ZFAND1: variants seen among roughly 807,000 people sequenced by gnomAD.
ZFAND1 encodes the protein AN1-type zinc finger protein 1.
Under a neutral mutation model 38.5 loss-of-function variants are expected in ZFAND1, and 40 were observed. The ratio of observed to expected loss-of-function variants is 1.04; its 90% CI spans 0.81 to 1.35. ZFAND1 has a LOEUF of 1.35. Among genes scored for constraint, ZFAND1 ranks in the 40% most tolerant of loss-of-function variants. ZFAND1 has a pLI of 0.00. For synonymous variants in ZFAND1, 117 were observed against 103.6 expected (o/e 1.13, Z -0.78); for missense variants, 346 against 316.3 (o/e 1.09, Z -0.71).
In ZFAND1 at chr8:81,714,890, CG is replaced by C; in HGVS notation, c.271del (p.Arg91ValfsTer55). On this transcript the variant is annotated frameshift_variant, in exon 5 of 8. Transcript: ENST00000220669. LOFTEE classifies it high-confidence loss of function. ...TTCACACTCATGATCTGACTGATGA[CG>C]GTGTCTATGAGCAACAGAAGAGTGA... ...YCEKNFCLRHRHQSDHECEKL... is the reference protein window; with the variant it reads ...YCEKNFCLRHXHQSDHECEKL... 1.9e-6 allele frequency: 3 copies of C among 1,613,970 alleles called. No individual in the cohort carries two copies. The highest frequency in any genetic ancestry group is 1.7e-6 in the Non-Finnish European group (2 of 1,179,938).
At chr8:81,714,729 T>A (rs1234669498) in intron 5 of ZFAND1, 75 bp downstream of exon 5, 3 of 1,303,032 alleles carry the variant, frequency 2.3e-6, no homozygotes, top group Non-Finnish European at 3.3e-6. Flanking sequence ...ATGCCTCCCA[T>A]AATTGGAAAG....
intron 5 of ZFAND1, 129 bp from the exon 6 acceptor site, chr8:81,714,168 A>G: frequency 1.2e-6 from 1 of 823,702 alleles, no homozygotes. Context: ...CAGAGACCAC[A>G]TTCATTGTAT....
At chr8:81,717,226 A>C in intron 3 of ZFAND1, 23 bp downstream of exon 3, 1 of 1,519,146 alleles carries the variant, frequency 6.6e-7, no homozygotes, top group Non-Finnish European at 8.8e-7. Context: ...ACATTTTATC[A>C]GATTGGAAAA....
chr8:81,710,182 A>T (rs918966482), intron 6 of ZFAND1, among the ~76,000 whole-genome samples: 1 of 152,222 alleles, frequency 6.6e-6, no homozygotes, highest in Non-Finnish European at 1.5e-5. Context: ...ATGTCTCCAG[A>T]CATTGCTGAA....
At chr8:81,705,279 A>G (rs1807943174) in intron 6 of ZFAND1, among the ~76,000 whole-genome samples, 1 of 152,194 alleles carries the variant, frequency 6.6e-6, no homozygotes, top group Non-Finnish European at 1.5e-5. Flanking sequence ...CCTATTCAAG[A>G]TGAACATTTT....
chr8:81,710,137 C>T (rs531760863), intron 6 of ZFAND1, among the ~76,000 whole-genome samples: 3 of 152,246 alleles, frequency 2.0e-5, no homozygotes, highest in South Asian at 4.1e-4. Context: ...AACTAAATAC[C>T]AGTAGCACCC....
chr8:81,714,044 G>A lies in ZFAND1; in HGVS notation c.359-5C>T. 6.2e-7 allele frequency: 1 copy of A among 1,601,560 alleles called. No individual in the cohort carries two copies. The highest frequency in any genetic ancestry group is 8.5e-7 in the Non-Finnish European group (1 of 1,175,812). On this transcript the variant is annotated splice_region_variant and splice_polypyrimidine_tract_variant and intron_variant, in intron 5 of 7. Transcript: ENST00000220669. Reference sequence around the variant, plus strand: ...CTGTTTCTCCTGTCTTGGAATCTAAGAAGTGTAAGCATGTAATCACATAAA... The same window carrying A: ...CTGTTTCTCCTGTCTTGGAATCTAAAAAGTGTAAGCATGTAATCACATAAA...
chr8:81,703,088 C>T lies in ZFAND1; in HGVS notation c.517G>A (p.Gly173Arg), dbSNP rs1267679797. The T allele has an allele frequency of 3.2e-6, 5 of 1,553,544 alleles. No homozygotes were observed. In the South Asian group the frequency reaches 6.0e-5, roughly 19 times the overall value. Residue 173 changes from glycine (G) to arginine (R), a missense_variant, in exon 7 of 8, where the codon GGG becomes AGG. Gly to Arg is a moderately radical substitution (Grantham distance 125). Transcript: ENST00000220669. The part of the protein sequence containing the change: ...RIYFQVFLPK[G>R]SKEKSKPMFF... ...ATTGGTTTGCTCTTCTCTTTGCTCCCTTTAGGTAAGAAAACCTGAAAGTAA... is the reference window on the plus strand; with the variant it reads ...ATTGGTTTGCTCTTCTCTTTGCTCCTTTTAGGTAAGAAAACCTGAAAGTAA...
rs1807829868 is a variant in ZFAND1, at chr8:81,702,157, T to C, written c.*538A>G. 1 of 152,240 alleles carries C rather than the reference T, an allele frequency of 6.6e-6. No individual in the cohort carries two copies. Among genetic ancestry groups the C allele is most frequent in the Non-Finnish European group, 1.5e-5 (1 of 68,044 alleles). 9.4% of individuals were successfully genotyped at this position (152,240 alleles called of 1,614,324 possible). ...CACTTCTAAGTTTCTATAATTCATG[T>C]AGATATATCAATTTATACATCATGA... is the stretch of plus-strand genomic sequence containing the variant. On this transcript the variant is annotated 3_prime_UTR_variant, in exon 8 of 8. Coordinates refer to ENST00000220669, the MANE Select transcript of ZFAND1 (RefSeq NM_024699.3).
At chr8:81,712,438 C>T (rs1031622560) in intron 6 of ZFAND1, among the ~76,000 whole-genome samples, 1 of 151,900 alleles carries the variant, frequency 6.6e-6, no homozygotes, top group Non-Finnish European at 1.5e-5. Context: ...GCAGAAAAAA[C>T]TCACAAAAAT....
intron 5 of ZFAND1, 37 bp downstream of exon 5, chr8:81,714,767 C>T: frequency 6.3e-7 from 1 of 1,586,374 alleles, no homozygotes; most frequent in Non-Finnish European, 8.7e-7. Context: ...AGCTCTGGAA[C>T]TAGGAAAGCA....
chr8:81,715,077 T>A lies in ZFAND1; in HGVS notation c.176A>T (p.His59Leu), dbSNP rs773154137. The change falls in exon 4 of 8, where the codon CAT becomes CTT. Residue 59 changes from histidine to leucine, a missense_variant. Coordinates refer to ENST00000220669, the MANE Select transcript of ZFAND1 (RefSeq NM_024699.3). ...VINERLKTDQ[H>L]TSYPCSFKDC... ...TTTGAAAGAGCATGGGTAAGATGTA[T>A]GTTGATCTGTCTTCAGTCTCTCATT... The A allele has an allele frequency of 6.2e-7, 1 of 1,614,066 alleles. No homozygotes were observed. The highest frequency in any genetic ancestry group is 1.6e-4 in the Middle Eastern group (1 of 6,062).
rs145615792 is a variant in ZFAND1, at chr8:81,703,007, C to T, written c.598G>A (p.Ala200Thr). 4 of 1,549,632 alleles carry T rather than the reference C, an allele frequency of 2.6e-6. No homozygotes were observed. Among genetic ancestry groups the T allele is most frequent in the African/African-American group, 1.4e-5 (1 of 72,932 alleles). Reference sequence around the variant, plus strand: ...TTGTTATTGTCATTTTTAAGCCTGGCTAGAGAAGCGGCAAAGTCTATGGCC... The same window carrying T: ...TTGTTATTGTCATTTTTAAGCCTGGTTAGAGAAGCGGCAAAGTCTATGGCC... ...GKAIDFAASLARLKNDNNKFT... is the reference protein window; with the variant it reads ...GKAIDFAASLTRLKNDNNKFT... The change falls in exon 7 of 8, where the codon GCC becomes ACC. Residue 200 changes from alanine to threonine, a missense_variant. By Grantham distance (58) the Ala-to-Thr change is moderately conservative. Coordinates refer to ENST00000220669, the MANE Select transcript of ZFAND1 (RefSeq NM_024699.3).
At chr8:81,715,938 T>C (rs972014139) in intron 3 of ZFAND1, among the ~76,000 whole-genome samples, 1 of 152,224 alleles carries the variant, frequency 6.6e-6, no homozygotes, top group African/African-American at 2.4e-5. Context: ...AGGATAGATT[T>C]ATAAACTGCA....
At position 81,714,866 on chromosome 8, in the gene ZFAND1, T is replaced by A. The variant is rs1441036249; in HGVS notation, c.296A>T (p.Glu99Val). ...TCGAGGCTTTGGGATTTCCAGTTTT[T>A]CACACTCATGATCTGACTGATGACG... ...RHRHQSDHEC[E>V]KLEIPKPRMA... Residue 99 changes from glutamate to valine, a missense_variant, in exon 5 of 8, where the codon GAA becomes GTA. Glu to Val is a moderately radical substitution (Grantham distance 121). Transcript: ENST00000220669. The A allele has an allele frequency of 1.2e-6, 2 of 1,614,088 alleles. No homozygotes were observed. The highest frequency in any genetic ancestry group is 2.2e-5 in the South Asian group (2 of 91,084).
chr8:81,712,914 G>A (rs577399083), intron 6 of ZFAND1, among the ~76,000 whole-genome samples: 3 of 152,054 alleles, frequency 2.0e-5, no homozygotes, highest in African/African-American at 4.8e-5. Flanking sequence ...AGCACTAACA[G>A]AAAGAGACAA....
intron 6 of ZFAND1, among the ~76,000 whole-genome samples, chr8:81,704,961 TTA>T (rs1563603166): frequency 6.6e-6 from 1 of 151,692 alleles, no homozygotes; most frequent in Admixed American, 6.6e-5. Flanking sequence ...TCTTTTTTTT[TTA>T]AAAAAGATAA....
intron 5 of ZFAND1, chr8:81,714,598 C>G (rs551969485): frequency 1.3e-5 from 7 of 520,736 alleles, no homozygotes; most frequent in African/African-American, 3.8e-5. Context: ...TAAGTACTTA[C>G]AGTGGAGTAC....
chr8:81,702,921 T>A (rs749452030), intron 7 of ZFAND1, 48 bp downstream of exon 7: 34 of 1,512,844 alleles, frequency 2.2e-5, no homozygotes, highest in Non-Finnish European at 2.6e-5. Context: ...GAATGGAGCA[T>A]CATAAAACCT....
Sources: allele counts gnomAD v4.1 joint callset (sites outside exome capture counted in the v4.1 genomes callset), GRCh38; gene constraint gnomAD v4.1.1; transcripts MANE v1.5; gene names NCBI Gene and HGNC (gene_info 2026-07-23, HGNC 2026-07-21).